The following MPDZ variants were observed in gnomAD, a reference collection of about 807,000 sequenced individuals.
MPDZ encodes the protein multiple PDZ domain crumbs cell polarity complex component.
A neutral mutation model predicts 239.1 loss-of-function variants in MPDZ; 234 were observed. The ratio of observed to expected loss-of-function variants is 0.98; its 90% CI spans 0.88 to 1.09. MPDZ has a LOEUF of 1.09. Ranked by LOEUF, MPDZ falls within the 50% of genes least tolerant of loss-of-function variation. The probability of loss-of-function intolerance (pLI) is 0.00; values close to 1 mark genes in which losing one functional copy is unlikely to be tolerated. For synonymous variants in MPDZ, 1,048 were observed against 881.3 expected, an observed-to-expected ratio of 1.19 and a Z score of -3.35; for missense variants, 3,175 against 2,510.0, an observed-to-expected ratio of 1.26 and a Z score of -5.66.
At position 13,113,964 on chromosome 9, in the gene MPDZ, C is replaced by G. The variant is rs971975671; in HGVS notation, c.5524G>C (p.Glu1842Gln). Residue 1842 changes from glutamate to glutamine, a missense_variant, in exon 41 of 47, where the codon GAG becomes CAG. Transcript: ENST00000319217. ...TTCTTTGAGCTACTTTCCAGTGACT[C>G]AGATGTACTGGATCCAGAGAGTGGA... ...TFPLSGSSTS[E>Q]SLESSSKKNA... 4 of 1,598,120 alleles carry G rather than the reference C, an allele frequency of 2.5e-6. No homozygotes were observed. The highest frequency in any genetic ancestry group is 1.7e-5 in the Admixed American group (1 of 57,950).
chr9:13,111,033 A>AT (rs1942370033), intron 43 of MPDZ, among the ~76,000 whole-genome samples: 3 of 151,798 alleles, frequency 2.0e-5, no homozygotes, highest in Non-Finnish European at 4.4e-5. Flanking sequence ...TCCTATTAAA[A>AT]GAAAAAAAAA....
At chr9:13,258,243 T>C (rs1437654109) in intron 1 of MPDZ, among the ~76,000 whole-genome samples, 1 of 152,246 alleles carries the variant, frequency 6.6e-6, no homozygotes, top group African/African-American at 2.4e-5. Flanking sequence ...ACACAAACCA[T>C]TCTGCTCAAT....
chr9:13,197,040 G>A (rs907110523), intron 12 of MPDZ, among the ~76,000 whole-genome samples: 3 of 151,662 alleles, frequency 2.0e-5, no homozygotes, highest in Non-Finnish European at 2.9e-5. Context: ...CTTATTAGTT[G>A]CCTCCTCTTT....
intron 10 of MPDZ, among the ~76,000 whole-genome samples, chr9:13,210,393 G>A (rs1957480076): frequency 6.7e-6 from 1 of 150,022 alleles, no homozygotes; most frequent in Non-Finnish European, 1.5e-5. Flanking sequence ...ACTAAGTGTT[G>A]TTAAATGTTA....
intron 1 of MPDZ, among the ~76,000 whole-genome samples, chr9:13,270,368 G>T (rs1301412644): frequency 6.6e-6 from 1 of 152,090 alleles, no homozygotes; most frequent in East Asian, 1.9e-4. Flanking sequence ...TTTCATAACA[G>T]AATGAAGACA....
intron 40 of MPDZ, among the ~76,000 whole-genome samples, chr9:13,114,655 A>C (rs539657337): frequency 6.6e-6 from 1 of 152,214 alleles, no homozygotes; most frequent in South Asian, 2.1e-4. Context: ...TAATCCCAAC[A>C]CTTTGGGAGG....
At position 13,270,889 on chromosome 9, in the gene MPDZ, T is replaced by C. The variant is rs1160429996; in HGVS notation, c.-58+8511A>G. On this transcript the variant is annotated intron_variant, in intron 1 of 46. Transcript: ENST00000319217. ...TACTCCTTTGTTATCCAATTCACTA[T>C]ATGACTGTCATATACATTTGTCACA... 3.9e-5 allele frequency among the ~76,000 whole-genome samples: 6 copies of C among 152,152 alleles called. No individual in the cohort carries two copies. In the East Asian group the frequency reaches 9.6e-4, roughly 24 times the overall value.
intron 1 of MPDZ, among the ~76,000 whole-genome samples, chr9:13,271,812 T>C (rs964389978): frequency 7.9e-5 from 12 of 152,144 alleles, no homozygotes; most frequent in African/African-American, 1.2e-4. Context: ...TACTCAGCAA[T>C]GACCAGTACT....
Position 13,236,339 on chromosome 9 carries a change from A to G in MPDZ, c.183+11296T>C, listed in dbSNP as rs149752809. ...GTTGCCCAGGCTGGAGTGCGATGGCACAATCTCAGCTCACCGCAACCTCTG... is the reference window on the plus strand; with the variant it reads ...GTTGCCCAGGCTGGAGTGCGATGGCGCAATCTCAGCTCACCGCAACCTCTG... On this transcript the variant is annotated intron_variant, in intron 3 of 46. Coordinates refer to ENST00000319217, the MANE Select transcript of MPDZ (RefSeq NM_001378778.1). Among the ~76,000 whole-genome samples, 635 of 138,656 alleles carry G rather than the reference A, an allele frequency of 4.6e-3. 5 individuals carry two copies. The highest frequency in any genetic ancestry group is 0.015 in the African/African-American group (565 of 36,476). The allele number at this position is 138,656 out of a possible 152,430, so 91.0% of individuals were successfully genotyped here.
intron 36 of MPDZ, among the ~76,000 whole-genome samples, chr9:13,122,388 A>T (rs1944483314): frequency 1.3e-5 from 2 of 152,356 alleles, no homozygotes; most frequent in Admixed American, 6.5e-5. Flanking sequence ...GATAGAGAAG[A>T]TTAAAGAAAA....
chr9:13,222,424 C>T lies in MPDZ; in HGVS notation c.556G>A (p.Asp186Asn), dbSNP rs543432186. ...AHRDGRLKET[D>N]QILAINGQAL... ...TGTCCATTGATAGCAAGAATTTGAT[C>T]AGTTTCTTTCAATCTTCCATCTCTA... Residue 186 changes from aspartate to asparagine, a missense_variant, in exon 6 of 47, where the codon GAT becomes AAT. Transcript: ENST00000319217. The T allele has an allele frequency of 1.2e-6, 2 of 1,611,994 alleles. No individual in the cohort carries two copies. The highest frequency in any genetic ancestry group is 1.7e-6 in the Non-Finnish European group (2 of 1,179,022).
At chr9:13,209,423 G>C (rs891950216) in intron 10 of MPDZ, among the ~76,000 whole-genome samples, 1 of 152,108 alleles carries the variant, frequency 6.6e-6, no homozygotes, top group Non-Finnish European at 1.5e-5. Flanking sequence ...TGAATCAAGT[G>C]AAGCTACAGT....
intron 40 of MPDZ, 51 bp from the exon 41 acceptor site, chr9:13,114,072 C>G: frequency 1.5e-6 from 2 of 1,308,268 alleles, no homozygotes; most frequent in Non-Finnish European, 2.1e-6. Context: ...AACATACTCC[C>G]TAAATACCAC....
intron 40 of MPDZ, among the ~76,000 whole-genome samples, chr9:13,114,868 C>T (rs1586892042): frequency 6.6e-6 from 1 of 151,616 alleles, no homozygotes; most frequent in Admixed American, 6.6e-5. Flanking sequence ...CCACTGCACT[C>T]CAGCCTGGGT....
intron 3 of MPDZ, among the ~76,000 whole-genome samples, chr9:13,227,552 G>A (rs557866314): frequency 6.6e-6 from 1 of 152,174 alleles, no homozygotes; most frequent in Admixed American, 6.5e-5. Flanking sequence ...TTATGCTATG[G>A]TAAGCCAGAA....
chr9:13,247,635 C>G lies in MPDZ; in HGVS notation c.183G>C (p.Gln61His). The change falls in exon 3 of 47, where the codon CAG becomes CAC. Residue 61 changes from glutamine to histidine, a missense_variant and splice_region_variant. Coordinates refer to ENST00000319217, the MANE Select transcript of MPDZ (RefSeq NM_001378778.1). ...CCTGCTTGGGTGAATGATGTCCTACCTGGTCTTTCAGCTGCTGTACAGAAG... is the reference window on the plus strand; with the variant it reads ...CCTGCTTGGGTGAATGATGTCCTACGTGGTCTTTCAGCTGCTGTACAGAAG... ...LQTSVQQLKD[Q>H]VNIATSATSN... The G allele has an allele frequency of 6.2e-7, 1 of 1,609,164 alleles. No individual in the cohort carries two copies. The highest frequency in any genetic ancestry group is 8.5e-7 in the Non-Finnish European group (1 of 1,176,184).
intron 32 of MPDZ, among the ~76,000 whole-genome samples, chr9:13,131,557 G>A (rs186713816): frequency 5.3e-5 from 8 of 152,260 alleles, no homozygotes; most frequent in Non-Finnish European, 1.2e-4. Flanking sequence ...TGCATACCAA[G>A]GTGTTCTGTA....
At chr9:13,162,160 A>G (rs1273878715) in intron 23 of MPDZ, among the ~76,000 whole-genome samples, 4 of 151,938 alleles carry the variant, frequency 2.6e-5, no homozygotes, top group Admixed American at 6.6e-5. Flanking sequence ...GCTACCTGGG[A>G]GGCTGAGGTG....
At position 13,176,116 on chromosome 9, in the gene MPDZ, C is replaced by T. The variant is rs746502131; in HGVS notation, c.2931+20G>A. ...TCCCTATCTCATCATAAAACACAAA[C>T]CATATCTTTAAAATATTACCTTTCC... On this transcript the variant is annotated intron_variant, in intron 20 of 46. Transcript: ENST00000319217. The T allele has an allele frequency of 1.9e-5, 29 of 1,553,890 alleles. No homozygotes were observed. The highest frequency in any genetic ancestry group is 1.9e-5 in the Non-Finnish European group (22 of 1,148,232).
Sources: allele counts gnomAD v4.1 joint callset (sites outside exome capture counted in the v4.1 genomes callset), GRCh38; gene constraint gnomAD v4.1.1; transcripts MANE v1.5; gene names NCBI Gene and HGNC (gene_info 2026-07-23, HGNC 2026-07-21).